The following LRRC34 variants were observed in gnomAD, a reference collection of about 807,000 sequenced individuals.
The protein encoded by LRRC34 is leucine-rich repeat-containing protein 34.
In LRRC34, 44 loss-of-function variants were observed where a neutral mutation model predicts 48.5. The ratio of observed to expected loss-of-function variants is 0.91; its 90% confidence interval spans 0.71 to 1.17. The LOEUF (loss-of-function observed/expected upper bound fraction) is 1.17. LRRC34 is among the 50% of genes most tolerant of loss of function. LRRC34 has a pLI of 0.00. For missense variants in LRRC34, 502 were observed against 563.0 expected (o/e 0.89, Z 1.10); for synonymous variants, 192 against 197.6 (o/e 0.97, Z 0.24).
At chr3:169,795,442 TC>T in intron 10 of LRRC34, 42 bp downstream of exon 10, 1 of 1,564,274 alleles carries the variant, frequency 6.4e-7, no homozygotes. Flanking sequence ...ACAGAGATGA[TC>T]CCAGAAAAAG....
At chr3:169,794,522 C>T (rs1778921177) in intron 10 of LRRC34, 1 of 152,076 alleles carries the variant, frequency 6.6e-6, no homozygotes, top group South Asian at 2.1e-4. Context: ...AAGAGATTCT[C>T]CTGCCTCAGC....
chr3:169,803,550 C>G (rs969699854), intron 6 of LRRC34, among the ~76,000 whole-genome samples: 7 of 152,230 alleles, frequency 4.6e-5, no homozygotes, highest in African/African-American at 1.4e-4. Flanking sequence ...CCTGCCTCAG[C>G]CTCCTGAGTA....
chr3:169,810,506 C>G (rs1481782393), intron 1 of LRRC34, among the ~76,000 whole-genome samples: 1 of 151,292 alleles, frequency 6.6e-6, no homozygotes, highest in Non-Finnish European at 1.5e-5. Flanking sequence ...GATAGATGTA[C>G]GTATTAAAAA....
Position 169,812,291 on chromosome 3 carries a change from C to T in LRRC34, c.139+119G>A. On this transcript the variant is annotated intron_variant, in intron 1 of 10. Coordinates refer to ENST00000446859, the MANE Select transcript of LRRC34 (RefSeq NM_001172779.2). The surrounding 1 kb of genome is among the most constrained non-coding windows in gnomAD (Gnocchi z 4.3). ...CACAGCTGGGGTTCCCAGGGGCCCCCCTCCCGCCTCGACGCCTTGGGCTGG... is the reference window on the plus strand; with the variant it reads ...CACAGCTGGGGTTCCCAGGGGCCCCTCTCCCGCCTCGACGCCTTGGGCTGG... 7.6e-7 allele frequency: 1 copy of T among 1,319,804 alleles called. No individual in the cohort carries two copies. The highest frequency in any genetic ancestry group is 3.0e-5 in the East Asian group (1 of 33,326). The allele number at this position is 1,319,804 out of a possible 1,614,324, so 81.8% of individuals were successfully genotyped here. A position where few individuals can be genotyped will look rare whatever the true frequency, so the allele number is the denominator to read the frequency against.
chr3:169,807,463 C>T lies in LRRC34; in HGVS notation c.407G>A (p.Cys136Tyr), dbSNP rs1446667508. Residue 136 changes from cysteine (C) to tyrosine (Y), a missense_variant, in exon 4 of 11, where the codon TGT becomes TAT. Transcript: ENST00000446859. ...NGLDVGYNLL[C>Y]DVGAYYAAKL... is the part of the protein sequence containing the mutation. ...CGCAGCATAGTATGCACCAACATCA[C>T]ATAGAAGGTTATATCCAACATCCAA... is the stretch of plus-strand genomic sequence containing the variant. The T allele has an allele frequency of 6.2e-7, 1 of 1,613,896 alleles. No homozygotes were observed. Among genetic ancestry groups the T allele is most frequent in the East Asian group, 2.2e-5 (1 of 44,850 alleles).
At chr3:169,793,990 G>T in intron 10 of LRRC34, 152 bp from the exon 11 acceptor site, 2 of 540,922 alleles carry the variant, frequency 3.7e-6, no homozygotes, top group Non-Finnish European at 6.4e-6. Flanking sequence ...ATATTTTCCA[G>T]GTATTGTAAA....
chr3:169,807,768 A>G, intron 2 of LRRC34, 59 bp from the exon 3 acceptor site: 1 of 1,471,318 alleles, frequency 6.8e-7, no homozygotes, highest in East Asian at 2.4e-5. Context: ...AACCCAGTAA[A>G]GAAGTAAAAG....
intron 8 of LRRC34, 116 bp from the exon 9 acceptor site, chr3:169,796,485 C>A: frequency 8.4e-7 from 1 of 1,192,936 alleles, no homozygotes; most frequent in Non-Finnish European, 1.2e-6. Flanking sequence ...TTATTTTAAC[C>A]ACTTGATTTC....
chr3:169,809,892 T>G (rs1023599808), intron 1 of LRRC34, among the ~76,000 whole-genome samples: 1 of 152,190 alleles, frequency 6.6e-6, no homozygotes, highest in Non-Finnish European at 1.5e-5. Flanking sequence ...CAAAATTTTC[T>G]TATAGTTTTT....
intron 9 of LRRC34, 194 bp from the exon 10 acceptor site, chr3:169,795,805 C>T: frequency 1.6e-6 from 2 of 1,255,680 alleles, no homozygotes; most frequent in South Asian, 5.4e-5. Flanking sequence ...GAGCTAACTA[C>T]ATTTTGAAAG....
chr3:169,806,868 A>C lies in LRRC34; in HGVS notation c.508T>G (p.Leu170Val). 6.2e-7 allele frequency: 1 copy of C among 1,605,242 alleles called. No homozygotes were observed. Among genetic ancestry groups the C allele is most frequent in the South Asian group, 1.1e-5 (1 of 90,126 alleles). Residue 170 changes from leucine (L) to valine (V), a missense_variant, in exon 5 of 11, where the codon TTG (leucine) becomes GTG (valine). Leu to Val is a conservative substitution (Grantham distance 32). Coordinates refer to ENST00000446859, the MANE Select transcript of LRRC34 (RefSeq NM_001172779.2). Reference sequence around the variant, plus strand: ...CTTACATGTAGCACTTTAGCAATCAATTCTCCACCTTCGGGCCCAATATCA... The same window carrying C: ...CTTACATGTAGCACTTTAGCAATCACTTCTCCACCTTCGGGCCCAATATCA... ...FNDIGPEGGE[L>V]IAKVLHKNRT...
intron 7 of LRRC34, among the ~76,000 whole-genome samples, chr3:169,800,068 CTAATAG>C (rs1779137042): frequency 6.6e-6 from 1 of 152,080 alleles, no homozygotes; most frequent in East Asian, 1.9e-4. Context: ...TTTACTTTTC[CTAATAG>C]TTAGATATAT....
chr3:169,796,964 A>G (rs1779014698), intron 7 of LRRC34, 65 bp from the exon 8 acceptor site: 2 of 1,212,644 alleles, frequency 1.6e-6, no homozygotes, highest in Admixed American at 3.0e-5. Flanking sequence ...TATTTCAGAC[A>G]TATGCTGTTA....
At chr3:169,811,998 G>A (rs1576752856) in intron 1 of LRRC34, among the ~76,000 whole-genome samples, 1 of 152,098 alleles carries the variant, frequency 6.6e-6, no homozygotes. Context: ...GTACAGAGGT[G>A]CAAAGTCAGA....
intron 10 of LRRC34, chr3:169,794,790 T>C (rs547373246): frequency 2.6e-5 from 4 of 152,374 alleles, no homozygotes; most frequent in East Asian, 1.9e-4. Context: ...GATGGAAATT[T>C]AGACATTAAA....
chr3:169,805,310 C>T (rs1236523717), intron 5 of LRRC34, among the ~76,000 whole-genome samples: 1 of 152,038 alleles, frequency 6.6e-6, no homozygotes, highest in East Asian at 1.9e-4. Context: ...CATAGCAGGA[C>T]ACAAGATCAA....
At chr3:169,798,545 C>A (rs180757577) in intron 7 of LRRC34, among the ~76,000 whole-genome samples, 1 of 152,064 alleles carries the variant, frequency 6.6e-6, no homozygotes, top group African/African-American at 2.4e-5. Flanking sequence ...TAGTGGCTGT[C>A]CTGGAGAAGA....
At chr3:169,811,018 G>A in intron 1 of LRRC34, among the ~76,000 whole-genome samples, 1 of 152,216 alleles carries the variant, frequency 6.6e-6, no homozygotes, top group Admixed American at 6.5e-5. Flanking sequence ...GTTGCAGTGG[G>A]CAGAGATCGC....
intron 1 of LRRC34, among the ~76,000 whole-genome samples, chr3:169,811,258 A>G (rs887650785): frequency 6.6e-6 from 1 of 152,230 alleles, no homozygotes; most frequent in African/African-American, 2.4e-5. Flanking sequence ...CTCCGAGGGC[A>G]CAGAAATGTG....
Sources: gnomAD v4.1 joint callset for allele counts (sites outside exome capture counted in the v4.1 genomes callset) on GRCh38, gnomAD v4.1.1 for gene constraint, Gnocchi (gnomAD v3.1) non-coding constraint, MANE v1.5 for transcripts, NCBI Gene and HGNC (gene_info 2026-07-23, HGNC 2026-07-21) for gene names.